The following MARCHF1 variants were observed in gnomAD, a reference collection of about 807,000 sequenced individuals.
The protein encoded by MARCHF1 is E3 ubiquitin-protein ligase MARCHF1.
MARCHF1 carries 40 observed loss-of-function variants against 54.2 expected under a neutral mutation model. The ratio of observed to expected loss-of-function variants is 0.74; its 90% confidence interval spans 0.57 to 0.96. The LOEUF is 0.96. Among genes scored for constraint, MARCHF1 ranks in the 40% least tolerant of loss-of-function variants. The probability of loss-of-function intolerance (pLI) is 0.00; values close to 1 mark genes in which losing one functional copy is unlikely to be tolerated. For synonymous variants in MARCHF1, 236 were observed against 236.3 expected, an observed-to-expected ratio of 1.00 and a Z score of 0.01; for missense variants, 586 against 656.5, an observed-to-expected ratio of 0.89 and a Z score of 1.17.
At chr4:163,631,626 G>T (rs2110993653) in intron 5 of MARCHF1, among the ~76,000 whole-genome samples, 2 of 152,138 alleles carry the variant, frequency 1.3e-5, no homozygotes, top group Middle Eastern at 3.4e-3. Flanking sequence ...AAGTTTCAGG[G>T]AATATACAAC....
chr4:163,674,460 T>A (rs1479396709), intron 5 of MARCHF1, among the ~76,000 whole-genome samples: 1 of 152,176 alleles, frequency 6.6e-6, no homozygotes, highest in African/African-American at 2.4e-5. Flanking sequence ...GCCATTAGAT[T>A]AGTATCAAAG....
intron 8 of MARCHF1, among the ~76,000 whole-genome samples, chr4:163,552,481 AG>A (rs1377627509): frequency 6.6e-6 from 1 of 152,226 alleles, no homozygotes; most frequent in Non-Finnish European, 1.5e-5. Flanking sequence ...AGTTCCACAA[AG>A]AGGCATATCT....
intron 5 of MARCHF1, among the ~76,000 whole-genome samples, chr4:163,662,707 T>C (rs1044596418): frequency 6.6e-6 from 1 of 152,068 alleles, no homozygotes; most frequent in African/African-American, 2.4e-5. Flanking sequence ...CGGCTAGTGG[T>C]GGCTTTCCCT....
At chr4:164,061,805 C>T (rs1754622698) in intron 2 of MARCHF1, among the ~76,000 whole-genome samples, 1 of 148,316 alleles carries the variant, frequency 6.7e-6, no homozygotes, top group Admixed American at 6.6e-5. Context: ...ATTATCTAAG[C>T]CTTCAGTGAG....
rs1166035058 is a variant in MARCHF1, at chr4:163,979,169, C to A, written c.-39+9332G>T. Among the ~76,000 whole-genome samples the A allele has an allele frequency of 8.7e-4, 52 of 59,436 alleles. 11 individuals are homozygous for A. The East Asian group carries it at 0.078, about 89-fold the overall frequency. The allele number at this position is 59,436 out of a possible 152,430, so 39.0% of individuals were successfully genotyped here. A position where few individuals can be genotyped will look rare whatever the true frequency, so the allele number is the denominator to read the frequency against. On this transcript the variant is annotated intron_variant, in intron 3 of 9. Transcript: ENST00000514618. Reference sequence around the variant, plus strand: ...TATATCTCCCAATGCTATCCCCCCCCCTCCCCCCACCCCACCACAGTCCCC... The same window carrying A: ...TATATCTCCCAATGCTATCCCCCCCACTCCCCCCACCCCACCACAGTCCCC...
Position 164,213,203 on chromosome 4 carries a change from TTTATTATTATTA to T in MARCHF1, c.-322-101553_-322-101542del, listed in dbSNP as rs200182175. On this transcript the variant is annotated intron_variant, in intron 1 of 9. Coordinates refer to ENST00000514618, the MANE Select transcript of MARCHF1 (RefSeq NM_001394959.1). ...AATTACTTTTCTCTGGGCTTTTACT[TTTATTATTATTA>T]TTATTATTATTATTATTATTATTAT... 5.8e-3 allele frequency among the ~76,000 whole-genome samples: 829 copies of T among 141,792 alleles called. 3 individuals are homozygous for T. Among genetic ancestry groups the T allele is most frequent in the South Asian group, 0.012 (51 of 4,346 alleles). The allele number at this position is 141,792 out of a possible 152,430, so 93.0% of individuals were successfully genotyped here.
rs1356036684 is a variant in MARCHF1 at position 163,799,639 on chromosome 4, T to C, written c.111+54382A>G. ...GTTAATTCCTTCAAAACATACAATA[T>C]CTTTATAGGGCTTAAAAATAAGACA... On this transcript the variant is annotated intron_variant, in intron 4 of 9. Coordinates refer to ENST00000514618, the MANE Select transcript of MARCHF1 (RefSeq NM_001394959.1). Among the ~76,000 whole-genome samples, 4 of 152,096 alleles carry C rather than the reference T, an allele frequency of 2.6e-5. No individual in the cohort carries two copies. The East Asian group carries it at 7.7e-4, about 29-fold the overall frequency.
chr4:164,050,802 G>A (rs1374055439), intron 2 of MARCHF1, among the ~76,000 whole-genome samples: 2 of 152,116 alleles, frequency 1.3e-5, no homozygotes, highest in Non-Finnish European at 2.9e-5. Flanking sequence ...GCGTGGTGGT[G>A]CATGCCTGTA....
chr4:163,824,975 C>A (rs372253871), intron 4 of MARCHF1, among the ~76,000 whole-genome samples: 3,625 of 150,312 alleles, frequency 0.024, 57 homozygotes, highest in Admixed American at 0.033. Context: ...GGCAATCATT[C>A]AAAAGTCAGG....
chr4:164,324,278 T>C (rs944594657), intron 1 of MARCHF1, among the ~76,000 whole-genome samples: 2 of 151,778 alleles, frequency 1.3e-5, no homozygotes, highest in Non-Finnish European at 3.0e-5. Context: ...CATAAAACAC[T>C]GCTGACATAT....
chr4:164,327,883 T>G (rs1735323919), intron 1 of MARCHF1, among the ~76,000 whole-genome samples: 1 of 152,132 alleles, frequency 6.6e-6, no homozygotes, highest in Non-Finnish European at 1.5e-5. Context: ...AAGAACAGAT[T>G]GGCAGGAAAG....
chr4:164,188,431 G>A, intron 1 of MARCHF1: 2 of 598,220 alleles, frequency 3.3e-6, no homozygotes, highest in South Asian at 1.8e-5. Context: ...TCGGTGAGGC[G>A]TGGTTCGAGG....
chr4:164,197,774 C>A, intron 1 of MARCHF1: 3 of 1,607,366 alleles, frequency 1.9e-6, no homozygotes, highest in Non-Finnish European at 2.6e-6. Context: ...AAACCTCGAA[C>A]CCACGGCCGC....
chr4:163,934,664 A>C (rs1363793017), intron 3 of MARCHF1, among the ~76,000 whole-genome samples: 1 of 149,594 alleles, frequency 6.7e-6, no homozygotes, highest in African/African-American at 2.4e-5. Flanking sequence ...TCATATCTTC[A>C]GGCTGTACTT....
intron 2 of MARCHF1, among the ~76,000 whole-genome samples, chr4:163,994,456 T>TATACCTAA (rs1265395014): frequency 6.6e-6 from 1 of 151,836 alleles, no homozygotes; most frequent in Non-Finnish European, 1.5e-5. Context: ...CATGAGGAGA[T>TATACCTAA]ATACCTAATG....
chr4:164,275,371 T>C (rs1486998756), intron 1 of MARCHF1, among the ~76,000 whole-genome samples: 1 of 152,152 alleles, frequency 6.6e-6, no homozygotes, highest in Non-Finnish European at 1.5e-5. Context: ...CAAAGCTAAT[T>C]GACTTCTGAG....
intron 8 of MARCHF1, chr4:163,584,874 T>G (rs557153642): frequency 6.6e-6 from 1 of 152,384 alleles, no homozygotes; most frequent in South Asian, 2.1e-4. Flanking sequence ...TGATTCATTA[T>G]TTAAACTGTG....
intron 7 of MARCHF1, among the ~76,000 whole-genome samples, chr4:163,608,891 T>G (rs1741230537): frequency 6.6e-6 from 1 of 152,096 alleles, no homozygotes; most frequent in African/African-American, 2.4e-5. Flanking sequence ...TAGAAGACCC[T>G]GGTTCTCAGG....
chr4:163,565,770 C>T (rs373185717), intron 8 of MARCHF1, among the ~76,000 whole-genome samples: 20 of 152,230 alleles, frequency 1.3e-4, no homozygotes, highest in Non-Finnish European at 2.5e-4. Flanking sequence ...AATCTTACCC[C>T]GATTCTGTTG....
Sources: allele counts gnomAD v4.1 joint callset (sites outside exome capture counted in the v4.1 genomes callset), GRCh38; gene constraint gnomAD v4.1.1; transcripts MANE v1.5; gene names NCBI Gene and HGNC (gene_info 2026-07-23, HGNC 2026-07-21).